Variants in CELF2 observed in about 807,000 individuals in gnomAD.
CELF2 encodes the protein CUG triplet repeat RNA-binding protein 2.
Under a neutral mutation model 62.6 loss-of-function variants are expected in CELF2, and 8 were observed. The observed-to-expected ratio is 0.13, with a 90% CI of 0.07 to 0.23. The LOEUF is 0.23. CELF2 is among the 10% of genes least tolerant of loss of function. The pLI, the probability that CELF2 is intolerant of heterozygous loss-of-function variation, is 1.00. For synonymous variants in CELF2, 258 were observed against 250.0 expected (o/e 1.03, Z -0.30); for missense variants, 333 against 671.0 (o/e 0.50, Z 5.56).
rs1404088712 is a variant in CELF2, at chr10:11,335,142, T to A, written c.*6089T>A. 6.6e-6 allele frequency: 1 copy of A among 152,188 alleles called. No homozygotes were observed. The highest frequency in any genetic ancestry group is 6.5e-5 in the Admixed American group (1 of 15,268). 9.4% of individuals were successfully genotyped at this position (152,188 alleles called of 1,614,324 possible). On this transcript the variant is annotated 3_prime_UTR_variant, in exon 13 of 13. Transcript: ENST00000633077. The surrounding 1 kb of genome is among the most constrained non-coding windows in gnomAD (Gnocchi z 5.0). ...AATAACGCCATACGCATCCACACAC[T>A]CCCTCCTGGATGAACCTAAGTCTCG...
the CELF2 span, among the ~76,000 whole-genome samples, chr10:10,744,011 C>T: frequency 1.3e-5 from 2 of 152,102 alleles, no homozygotes; most frequent in Admixed American, 6.5e-5. Flanking sequence ...GTGTTCTACC[C>T]AGATTTTTTT....
chr10:10,655,962 C>A, the CELF2 span, among the ~76,000 whole-genome samples: 1 of 141,044 alleles, frequency 7.1e-6, no homozygotes, highest in Non-Finnish European at 1.5e-5. Flanking sequence ...AAAATTTTCG[C>A]AACCTACTCA....
chr10:10,789,205 G>A, the CELF2 span, among the ~76,000 whole-genome samples: 2 of 152,176 alleles, frequency 1.3e-5, no homozygotes, highest in African/African-American at 4.8e-5. Context: ...ACTATGGGCA[G>A]TTGAGTTTGC....
chr10:10,810,520 C>T (rs147673440), intron 1 of CELF2, among the ~76,000 whole-genome samples: 11 of 152,200 alleles, frequency 7.2e-5, no homozygotes, highest in African/African-American at 2.7e-4. Context: ...CCTCAGGTTC[C>T]AGTAACTGTC....
Position 11,275,847 on chromosome 10 carries a change from C to T in CELF2, c.841+727C>T, listed in dbSNP as rs554147453. 4.6e-5 allele frequency among the ~76,000 whole-genome samples: 7 copies of T among 152,280 alleles called. No homozygotes were observed. The East Asian group carries it at 7.7e-4, about 17-fold the overall frequency. On this transcript the variant is annotated intron_variant, in intron 8 of 12. Coordinates refer to ENST00000633077, the MANE Select transcript of CELF2 (RefSeq NM_001326342.2). Reference sequence around the variant, plus strand: ...GCCGATTTCCCTACCTAACACGGGGCCAGGGAAGGCAGCGAGCGCAATAAA... The same window carrying T: ...GCCGATTTCCCTACCTAACACGGGGTCAGGGAAGGCAGCGAGCGCAATAAA...
chr10:11,199,613 T>C (rs769357523), intron 2 of CELF2, among the ~76,000 whole-genome samples: 5 of 152,196 alleles, frequency 3.3e-5, no homozygotes, highest in Non-Finnish European at 5.9e-5. Flanking sequence ...AATTCATTTC[T>C]AGTCACAGTT....
chr10:10,820,149 G>A lies in CELF2; in HGVS notation c.53+21332G>A, dbSNP rs966620119. 4.4e-4 allele frequency among the ~76,000 whole-genome samples: 67 copies of A among 152,002 alleles called. 1 individual carries two copies. Among genetic ancestry groups the A allele is most frequent in the Admixed American group, 4.1e-3 (62 of 15,274 alleles). On this transcript the variant is annotated intron_variant, in intron 1 of 13. Coordinates refer to the CELF2 transcript ENST00000636488. ...CACCACCATGTAAGAAGTGCCTTTCGCCTCCCGCCATGATTCTGAAGCCTC... is the reference window on the plus strand; with the variant it reads ...CACCACCATGTAAGAAGTGCCTTTCACCTCCCGCCATGATTCTGAAGCCTC...
rs959471597 is a variant in CELF2 at position 11,058,037 on chromosome 10, G to A, written c.74+39874G>A. Among the ~76,000 whole-genome samples the A allele has an allele frequency of 1.4e-4, 21 of 145,760 alleles. 1 individual carries two copies. The East Asian group carries it at 3.0e-3, about 21-fold the overall frequency. On this transcript the variant is annotated intron_variant, in intron 1 of 12. Coordinates refer to ENST00000633077, the MANE Select transcript of CELF2 (RefSeq NM_001326342.2). The stretch of plus-strand genomic sequence containing the variant: ...GCTAAGCAAAATGGAAATACTTTAC[G>A]CCCAACCAAATGGGAATAGATTATC...
At chr10:10,564,642 AC>A in the CELF2 span, among the ~76,000 whole-genome samples, 2 of 2,964 alleles carry the variant, frequency 6.7e-4, no homozygotes, top group Non-Finnish European at 1.2e-3. Flanking sequence ...TTAACTGAAT[AC>A]ACACACACAC....
chr10:10,884,740 G>C (rs184620531), intron 1 of CELF2, among the ~76,000 whole-genome samples: 1 of 152,290 alleles, frequency 6.6e-6, no homozygotes, highest in East Asian at 1.9e-4. Context: ...TGAACTTGAG[G>C]AAATCTGGAC....
Position 11,018,174 on chromosome 10 carries a change from C to T in CELF2, c.74+11C>T, listed in dbSNP as rs1214749286. 4.0e-6 allele frequency: 6 copies of T among 1,516,982 alleles called. No individual in the cohort carries two copies. The highest frequency in any genetic ancestry group is 2.9e-5 in the African/African-American group (2 of 69,064). The allele number at this position is 1,516,982 out of a possible 1,614,324, so 94.0% of individuals were successfully genotyped here. A position where few individuals can be genotyped will look rare whatever the true frequency, so the allele number is the denominator to read the frequency against. On this transcript the variant is annotated intron_variant, in intron 1 of 12. Coordinates refer to ENST00000633077, the MANE Select transcript of CELF2 (RefSeq NM_001326342.2). ...CGTTCCTGACAGAATGTGAGTGGCG[C>T]CGCGTCCCGAGGCCGGGCGAGCGGG...
chr10:10,786,773 G>GA, the CELF2 span: 1 of 152,156 alleles, frequency 6.6e-6, no homozygotes, highest in Admixed American at 6.5e-5. Context: ...TAAGCAAAGT[G>GA]AAAATCTGAA....
At chr10:10,600,372 A>G in the CELF2 span, among the ~76,000 whole-genome samples, 1 of 152,248 alleles carries the variant, frequency 6.6e-6, no homozygotes, top group African/African-American at 2.4e-5. Flanking sequence ...GACTGCTTGT[A>G]ACATGTGCCA....
At chr10:10,733,276 G>A in the CELF2 span, among the ~76,000 whole-genome samples, 3 of 152,042 alleles carry the variant, frequency 2.0e-5, no homozygotes, top group Non-Finnish European at 2.9e-5. Context: ...CACATGGCTC[G>A]GACCCATAAT....
At chr10:10,666,607 A>C in the CELF2 span, among the ~76,000 whole-genome samples, 1 of 75,876 alleles carries the variant, frequency 1.3e-5, no homozygotes, top group African/African-American at 6.7e-5. Flanking sequence ...TCACGCCTGT[A>C]ATCCCAGCAC....
In CELF2 at chr10:11,316,607, T is replaced by A. The variant is rs142110145; in HGVS notation, c.1096+2349T>A. Among the ~76,000 whole-genome samples, 1,464 of 152,312 alleles carry A rather than the reference T, an allele frequency of 9.6e-3. 8 individuals carry two copies. The highest frequency in any genetic ancestry group is 0.037 in the Middle Eastern group (11 of 294). On this transcript the variant is annotated intron_variant, in intron 10 of 12. Transcript: ENST00000633077. The surrounding 1 kb of genome is among the most constrained non-coding windows in gnomAD (Gnocchi z 4.4). ...TAGTTGACGGCAGCTTCCATAGCACTGCTATGAATCCCACCCCACTGCAGC... is the reference window on the plus strand; with the variant it reads ...TAGTTGACGGCAGCTTCCATAGCACAGCTATGAATCCCACCCCACTGCAGC...
rs1418241234 is a variant in CELF2 at position 10,938,713 on chromosome 10, A to G, written c.89+18714A>G. On this transcript the variant is annotated intron_variant, in intron 2 of 13. Transcript: ENST00000636488. This position sits in a 1 kb window ranked among gnomAD's most constrained non-coding sequence, Gnocchi z 4.2. ...ACAAGAATTTGAGTCTAAGGACATG[A>G]GGGAGGGGGATGTGAGACAGGAATG... is the stretch of plus-strand genomic sequence containing the variant. 6.6e-6 allele frequency among the ~76,000 whole-genome samples: 1 copy of G among 151,612 alleles called. No homozygotes were observed. The highest frequency in any genetic ancestry group is 1.5e-5 in the Non-Finnish European group (1 of 67,896).
intron 1 of CELF2, among the ~76,000 whole-genome samples, chr10:11,006,915 C>G (rs531144393): frequency 1.3e-5 from 2 of 152,176 alleles, no homozygotes; most frequent in Non-Finnish European, 2.9e-5. Context: ...AACAGTGAAG[C>G]TTTCGACAGA....
At chr10:10,712,033 T>C in the CELF2 span, among the ~76,000 whole-genome samples, 9 of 151,790 alleles carry the variant, frequency 5.9e-5, no homozygotes, top group Non-Finnish European at 1.3e-4. Context: ...ATCATTTTCC[T>C]GTTTATAGAA....
Sources: gnomAD v4.1 joint callset for allele counts (sites outside exome capture counted in the v4.1 genomes callset) on GRCh38, gnomAD v4.1.1 for gene constraint, Gnocchi (gnomAD v3.1) non-coding constraint, MANE v1.5 for transcripts, NCBI Gene and HGNC (gene_info 2026-07-23, HGNC 2026-07-21) for gene names.